Variants in GABRG3 observed in about 807,000 individuals in gnomAD.
GABRG3 encodes the protein gamma-aminobutyric acid type A receptor subunit gamma3.
Under a neutral mutation model 48.8 loss-of-function variants are expected in GABRG3, and 25 were observed. The observed-to-expected ratio is 0.51, with a 90% CI of 0.37 to 0.72. GABRG3 has a LOEUF of 0.72. Ranked by LOEUF, GABRG3 falls within the 30% of genes least tolerant of loss-of-function variation. GABRG3 has a pLI of 0.00. For synonymous variants in GABRG3, 227 were observed against 217.6 expected (o/e 1.04, Z -0.38); for missense variants, 394 against 577.9 (o/e 0.68, Z 3.26).
Position 27,246,142 on chromosome 15 carries a change from G to A in GABRG3, c.271-80667G>A, listed in dbSNP as rs552567616. ...CGCCAGGCCTCGTCTCCAACACTGC[G>A]GATCATATTTCAACATGAGATTTGG... On this transcript the variant is annotated intron_variant, in intron 3 of 9. Transcript: ENST00000615808. Among the ~76,000 whole-genome samples the A allele has an allele frequency of 3.9e-5, 6 of 152,132 alleles. 1 individual carries two copies. The highest frequency in any genetic ancestry group is 1.9e-4 in the East Asian group (1 of 5,178).
Position 27,099,237 on chromosome 15 carries a change from A to T in GABRG3, c.270+72416A>T, listed in dbSNP as rs1270058885. 2.6e-5 allele frequency among the ~76,000 whole-genome samples: 4 copies of T among 152,278 alleles called. No homozygotes were observed. The Middle Eastern group carries it at 0.014, about 518-fold the overall frequency. ...TACACTTCACTCAAAGTGCTAAGCC[A>T]CTCTGATGACAGTAGACTGTGCTAA... On this transcript the variant is annotated intron_variant, in intron 3 of 9. Coordinates refer to ENST00000615808, the MANE Select transcript of GABRG3 (RefSeq NM_033223.5).
intron 5 of GABRG3, among the ~76,000 whole-genome samples, chr15:27,453,753 C>CA (rs1889179928): frequency 6.6e-6 from 1 of 152,136 alleles, no homozygotes; most frequent in Non-Finnish European, 1.5e-5. Flanking sequence ...AGGCACCTGC[C>CA]AACATGGCTG....
chr15:27,357,560 T>TA (rs1464222936), intron 5 of GABRG3, among the ~76,000 whole-genome samples: 2 of 152,196 alleles, frequency 1.3e-5, no homozygotes, highest in African/African-American at 4.8e-5. Context: ...GACACATTTC[T>TA]AAAAAAATAA....
chr15:27,041,831 G>A (rs1896281534), intron 3 of GABRG3, among the ~76,000 whole-genome samples: 1 of 152,122 alleles, frequency 6.6e-6, no homozygotes, highest in Non-Finnish European at 1.5e-5. Context: ...AAGAGGAGAG[G>A]TGCCATCAGT....
intron 3 of GABRG3, among the ~76,000 whole-genome samples, chr15:27,288,636 C>A (rs560881504): frequency 3.1e-4 from 47 of 151,778 alleles, no homozygotes; most frequent in African/African-American, 1.1e-3. Flanking sequence ...TCACTTGAAC[C>A]CAGGAGGTGG....
intron 3 of GABRG3, among the ~76,000 whole-genome samples, chr15:27,098,073 T>G (rs1241607184): frequency 6.6e-6 from 1 of 151,972 alleles, no homozygotes; most frequent in East Asian, 1.9e-4. Context: ...TATCACAATT[T>G]TAGTATTTTA....
At chr15:26,985,273 G>A (rs868666570) in intron 2 of GABRG3, among the ~76,000 whole-genome samples, 3 of 152,136 alleles carry the variant, frequency 2.0e-5, no homozygotes, top group Non-Finnish European at 4.4e-5. Flanking sequence ...CATGACACCG[G>A]GCACTGACTC....
At chr15:27,050,109 G>A (rs371834073) in intron 3 of GABRG3, among the ~76,000 whole-genome samples, 5 of 152,152 alleles carry the variant, frequency 3.3e-5, no homozygotes, top group Non-Finnish European at 7.3e-5. Flanking sequence ...GGTACATCCC[G>A]TTCTGATACC....
chr15:27,266,949 T>A (rs1890939497), intron 3 of GABRG3, among the ~76,000 whole-genome samples: 1 of 152,158 alleles, frequency 6.6e-6, no homozygotes, highest in African/African-American at 2.4e-5. Flanking sequence ...ACTACACTTG[T>A]ACTTCTTCCT....
intron 3 of GABRG3, among the ~76,000 whole-genome samples, chr15:27,187,916 C>T (rs1374356245): frequency 1.6e-3 from 233 of 142,638 alleles, no homozygotes; most frequent in Non-Finnish European, 2.8e-3. Context: ...TGTGATGTTC[C>T]CCTTCCTGTG....
At chr15:27,387,727 C>G (rs527857754) in intron 5 of GABRG3, among the ~76,000 whole-genome samples, 1 of 149,002 alleles carries the variant, frequency 6.7e-6, no homozygotes, top group South Asian at 2.1e-4. Flanking sequence ...TCCACAGACC[C>G]CAGCAGGGAG....
rs530851082 is a variant in GABRG3, at chr15:27,128,370, T to A, written c.270+101549T>A. On this transcript the variant is annotated intron_variant, in intron 3 of 9. Transcript: ENST00000615808. ...TCTCCCTTCATGCATGATCAACCCA[T>A]GAGTCAGTGCTTTAAGACTTATCTC... Among the ~76,000 whole-genome samples, 457 of 152,278 alleles carry A rather than the reference T, an allele frequency of 3.0e-3. 1 individual carries two copies. The highest frequency in any genetic ancestry group is 0.011 in the African/African-American group (442 of 41,548).
intron 3 of GABRG3, among the ~76,000 whole-genome samples, chr15:27,241,293 A>T (rs899459018): frequency 1.3e-4 from 20 of 152,192 alleles, no homozygotes; most frequent in African/African-American, 4.8e-4. Context: ...CTCTCCATGG[A>T]GTAAAAGTTA....
chr15:27,178,768 G>A (rs549080915), intron 3 of GABRG3, among the ~76,000 whole-genome samples: 2 of 152,280 alleles, frequency 1.3e-5, no homozygotes, highest in African/African-American at 4.8e-5. Flanking sequence ...GATTCTTCTT[G>A]GGTTCTCTGA....
chr15:26,971,675 G>T (rs1894847839), intron 1 of GABRG3, 87 bp downstream of exon 1: 2 of 1,394,010 alleles, frequency 1.4e-6, no homozygotes, highest in Non-Finnish European at 1.9e-6. Flanking sequence ...TCCCTGGCGC[G>T]CCAGCCGTCG....
chr15:27,414,012 T>C (rs1353272777), intron 5 of GABRG3, among the ~76,000 whole-genome samples: 3 of 152,224 alleles, frequency 2.0e-5, no homozygotes, highest in Admixed American at 2.0e-4. Flanking sequence ...TTAGAGATGT[T>C]AATGCTCACA....
chr15:27,282,639 C>T (rs1478341572), intron 3 of GABRG3, among the ~76,000 whole-genome samples: 4 of 152,088 alleles, frequency 2.6e-5, no homozygotes, highest in African/African-American at 9.7e-5. Flanking sequence ...CTTAACTGCT[C>T]ACTGGAGCAA....
At chr15:26,972,605 G>T (rs1894867527) in intron 1 of GABRG3, among the ~76,000 whole-genome samples, 1 of 152,152 alleles carries the variant, frequency 6.6e-6, no homozygotes, top group African/African-American at 2.4e-5. Context: ...TCCTGGGTCT[G>T]GGAGCTAGAG....
chr15:27,012,864 C>A (rs1895715009), intron 2 of GABRG3, among the ~76,000 whole-genome samples: 1 of 152,256 alleles, frequency 6.6e-6, no homozygotes, highest in South Asian at 2.1e-4. Flanking sequence ...CACCAGTCAT[C>A]CACTAATTAT....
Sources: allele counts gnomAD v4.1 joint callset (sites outside exome capture counted in the v4.1 genomes callset), GRCh38; gene constraint gnomAD v4.1.1; transcripts MANE v1.5; gene names NCBI Gene and HGNC (gene_info 2026-07-23, HGNC 2026-07-21).